The following CTPS2 variants were observed in gnomAD, a reference collection of about 807,000 sequenced individuals.
The protein encoded by CTPS2 is CTP synthase 2, also known as CTP synthase II.
A neutral mutation model predicts 46.8 loss-of-function variants in CTPS2; 19 were observed. The ratio of observed to expected loss-of-function variants is 0.41; its 90% CI spans 0.28 to 0.60. CTPS2 has a LOEUF of 0.60. Ranked by LOEUF, CTPS2 falls within the 20% of genes least tolerant of loss-of-function variation. The probability of loss-of-function intolerance (pLI) is 0.35; values close to 1 mark genes in which losing one functional copy is unlikely to be tolerated. For synonymous variants in CTPS2, 151 were observed against 165.2 expected, an observed-to-expected ratio of 0.91 and a Z score of 0.66; for missense variants, 286 against 447.6, an observed-to-expected ratio of 0.64 and a Z score of 3.26.
chrX:16,631,788 C>G (rs1295625357), intron 14 of CTPS2, among the ~76,000 whole-genome samples: 1 of 111,803 alleles, frequency 8.9e-6, no homozygotes, highest in East Asian at 2.8e-4. Flanking sequence ...TTGGCCATCC[C>G]TGAATGAGCT....
At chrX:16,629,443 A>G (rs1436306625) in intron 14 of CTPS2, among the ~76,000 whole-genome samples, 1 of 111,097 alleles carries the variant, frequency 9.0e-6, no homozygotes, top group Non-Finnish European at 1.9e-5. Flanking sequence ...GCACAATGAC[A>G]AATTACCATG....
intron 13 of CTPS2, among the ~76,000 whole-genome samples, chrX:16,661,374 C>G (rs1052428014): frequency 5.3e-5 from 6 of 112,266 alleles, no homozygotes; most frequent in African/African-American, 1.3e-4. Context: ...TACTTCAACA[C>G]TCTAAATGCA....
intron 1 of CTPS2, among the ~76,000 whole-genome samples, chrX:16,710,998 C>T (rs1925426655): frequency 8.9e-6 from 1 of 112,111 alleles, no homozygotes; most frequent in Non-Finnish European, 1.9e-5. Context: ...TAGATCACTT[C>T]CTCCATTGAG....
At chrX:16,641,657 G>T (rs542273535) in intron 13 of CTPS2, among the ~76,000 whole-genome samples, 1 of 112,169 alleles carries the variant, frequency 8.9e-6, no homozygotes, top group South Asian at 3.7e-4. Flanking sequence ...GATTGCTAGA[G>T]CCTAGGAGGC....
At chrX:16,624,390 C>T (rs1188480194) in intron 14 of CTPS2, among the ~76,000 whole-genome samples, 1 of 111,363 alleles carries the variant, frequency 9.0e-6, no homozygotes, top group Non-Finnish European at 1.9e-5. Flanking sequence ...GAGAACATCC[C>T]GAAAACAAAA....
chrX:16,626,594 T>C (rs1931164105), intron 14 of CTPS2, among the ~76,000 whole-genome samples: 1 of 111,487 alleles, frequency 9.0e-6, no homozygotes, highest in Non-Finnish European at 1.9e-5. Flanking sequence ...CAATTAAAAA[T>C]TTTTAAAATA....
chrX:16,609,310 GA>G (rs911999216), intron 17 of CTPS2, among the ~76,000 whole-genome samples: 1 of 111,278 alleles, frequency 9.0e-6, no homozygotes, highest in Non-Finnish European at 1.9e-5. Context: ...TTATCAAAAT[GA>G]AAAAAATTTC....
intron 1 of CTPS2, among the ~76,000 whole-genome samples, chrX:16,707,651 G>A (rs1925124632): frequency 9.0e-6 from 1 of 111,625 alleles, no homozygotes; most frequent in South Asian, 3.8e-4. Flanking sequence ...ACTCCAGCCT[G>A]GGTGACAAAG....
At chrX:16,669,637 A>T (rs1921560620) in intron 11 of CTPS2, among the ~76,000 whole-genome samples, 1 of 110,863 alleles carries the variant, frequency 9.0e-6, no homozygotes, top group East Asian at 2.8e-4. Flanking sequence ...TATCCAGGTA[A>T]CTACTCCAGT....
chrX:16,607,119 C>A (rs1370999652), intron 17 of CTPS2, among the ~76,000 whole-genome samples: 2 of 112,967 alleles, frequency 1.8e-5, no homozygotes, highest in African/African-American at 6.4e-5. Context: ...CACAGGTGGG[C>A]AGTCCACACG....
At chrX:16,661,993 CATATAT>C (rs5901592) in intron 13 of CTPS2, among the ~76,000 whole-genome samples, 1 of 85,343 alleles carries the variant, frequency 1.2e-5, no homozygotes. Context: ...ATTGTTCATT[CATATAT>C]ATATATATAT....
intron 13 of CTPS2, among the ~76,000 whole-genome samples, chrX:16,640,985 G>A (rs1932052150): frequency 8.9e-6 from 1 of 112,031 alleles, no homozygotes; most frequent in Non-Finnish European, 1.9e-5. Flanking sequence ...GACCTCCCTT[G>A]TTAGATGGAC....
At chrX:16,623,240 C>G (rs1053806690) in intron 14 of CTPS2, among the ~76,000 whole-genome samples, 8 of 111,954 alleles carry the variant, frequency 7.1e-5, no homozygotes, top group Non-Finnish European at 1.3e-4. Context: ...TCTCCTCAAG[C>G]ATTTATCCTT....
chrX:16,595,911 C>A (rs1174774522), intron 17 of CTPS2, among the ~76,000 whole-genome samples: 1 of 112,492 alleles, frequency 8.9e-6, no homozygotes, highest in African/African-American at 3.2e-5. Flanking sequence ...GCTCTGTCAC[C>A]CAGGCTGGAG....
At chrX:16,628,355 C>T (rs1257258762) in intron 14 of CTPS2, among the ~76,000 whole-genome samples, 1 of 110,937 alleles carries the variant, frequency 9.0e-6, no homozygotes, top group Non-Finnish European at 1.9e-5. Context: ...TTTTTCATCA[C>T]TTTTTTTGTT....
intron 16 of CTPS2, 122 bp downstream of exon 16, chrX:16,617,028 C>A (rs1433532344): frequency 1.1e-4 from 57 of 501,266 alleles, no homozygotes; most frequent in East Asian, 2.1e-4. Flanking sequence ...TTTGTAGTTA[C>A]ATATTTGTTT....
intron 14 of CTPS2, among the ~76,000 whole-genome samples, chrX:16,634,881 G>A (rs1436849462): frequency 9.2e-6 from 1 of 108,917 alleles, no homozygotes; most frequent in Non-Finnish European, 1.9e-5. Context: ...CCTGGGAGGC[G>A]GAGGTTGCAG....
chrX:16,639,208 C>A lies in CTPS2; in HGVS notation c.1332G>T (p.Leu444Phe). ...TTATTCCCAGTCTCATTGTTCCTCC[C>A]AAATTGCCAGGGTTGTGCTCGGGCA... ...IDMPEHNPGNLGGTMRLGIRR... is the reference protein window; with the variant it reads ...IDMPEHNPGNFGGTMRLGIRR... The change falls in exon 14 of 19, where the codon TTG becomes TTT. Residue 444 changes from leucine to phenylalanine, a missense_variant. Physicochemically the swap from Leu to Phe is conservative, Grantham distance 22. Transcript: ENST00000359276. The A allele has an allele frequency of 8.3e-7, 1 of 1,209,389 alleles. No individual in the cohort carries two copies. Among genetic ancestry groups the A allele is most frequent in the Non-Finnish European group, 1.1e-6 (1 of 893,371 alleles).
At chrX:16,681,271 GGAGA>G (rs980927426) in intron 9 of CTPS2, among the ~76,000 whole-genome samples, 13 of 111,515 alleles carry the variant, frequency 1.2e-4, no homozygotes, top group African/African-American at 3.9e-4. Context: ...GCTAAAAAGA[GGAGA>G]GAGAAACAGC....
Sources: allele counts gnomAD v4.1 joint callset (sites outside exome capture counted in the v4.1 genomes callset), GRCh38; gene constraint gnomAD v4.1.1; transcripts MANE v1.5; gene names NCBI Gene and HGNC (gene_info 2026-07-23, HGNC 2026-07-21).